Variants in FTCDNL1 observed in about 807,000 individuals in gnomAD.
The protein encoded by FTCDNL1 is formiminotransferase cyclodeaminase N-terminal like.
A neutral mutation model predicts 5.9 loss-of-function variants in FTCDNL1; 11 were observed. The ratio of observed to expected loss-of-function variants is 1.87; its 90% CI spans 1.18 to 3.10. FTCDNL1 has a LOEUF of 3.10. Ranked by LOEUF, FTCDNL1 falls within the 30% of genes most tolerant of loss-of-function variation. The pLI is 0.00. For missense variants in FTCDNL1, 115 were observed against 65.5 expected, an observed-to-expected ratio of 1.76 and a Z score of -2.61; for synonymous variants, 58 against 24.8, an observed-to-expected ratio of 2.34 and a Z score of -3.99.
the FTCDNL1 span, among the ~76,000 whole-genome samples, chr2:199,712,186 A>C: frequency 2.2e-4 from 34 of 152,346 alleles, no homozygotes; most frequent in East Asian, 7.7e-4. Flanking sequence ...CAGGGATATA[A>C]GAACAAATAT....
the FTCDNL1 span, among the ~76,000 whole-genome samples, chr2:199,725,761 G>A: frequency 1.3e-5 from 2 of 152,182 alleles, no homozygotes; most frequent in Admixed American, 1.3e-4. Flanking sequence ...TCCACTGTTA[G>A]TTTGATGGGA....
chr2:199,815,132 ATAAAG>A (rs1461811306), intron 4 of FTCDNL1, among the ~76,000 whole-genome samples: 1 of 152,226 alleles, frequency 6.6e-6, no homozygotes, highest in Non-Finnish European at 1.5e-5. Flanking sequence ...ATATATATGT[ATAAAG>A]TATTTATTTA....
At chr2:199,710,061 TAC>T in the FTCDNL1 span, among the ~76,000 whole-genome samples, 1 of 152,132 alleles carries the variant, frequency 6.6e-6, no homozygotes, top group East Asian at 1.9e-4. Flanking sequence ...CATAGACATA[TAC>T]AGAGTGGCAA....
chr2:199,738,787 A>C, the FTCDNL1 span, among the ~76,000 whole-genome samples: 1 of 152,188 alleles, frequency 6.6e-6, no homozygotes, highest in Non-Finnish European at 1.5e-5. Context: ...GATGGAGTGA[A>C]GCAAAGGTGA....
At chr2:199,764,926 A>C (rs1157510617) in intron 3 of FTCDNL1, among the ~76,000 whole-genome samples, 1 of 152,116 alleles carries the variant, frequency 6.6e-6, no homozygotes, top group African/African-American at 2.4e-5. Flanking sequence ...AAGCTTTCTC[A>C]AGTCATCTAA....
the FTCDNL1 span, among the ~76,000 whole-genome samples, chr2:199,752,200 T>A: frequency 1.7e-4 from 26 of 152,070 alleles, no homozygotes; most frequent in Non-Finnish European, 3.8e-4. Context: ...CAGCCAACCC[T>A]CCCTGGAGCT....
chr2:199,706,861 G>C, the FTCDNL1 span, among the ~76,000 whole-genome samples: 1 of 152,268 alleles, frequency 6.6e-6, no homozygotes, highest in South Asian at 2.1e-4. Context: ...TGTAATCCAA[G>C]CTCAGGCTTT....
intron 3 of FTCDNL1, among the ~76,000 whole-genome samples, chr2:199,764,290 A>T (rs1369989470): frequency 6.6e-6 from 1 of 152,228 alleles, no homozygotes; most frequent in Admixed American, 6.5e-5. Context: ...CAAGGCAAGC[A>T]CTATTATTAC....
chr2:199,772,251 T>C (rs1410119182), intron 3 of FTCDNL1, among the ~76,000 whole-genome samples: 2 of 152,198 alleles, frequency 1.3e-5, no homozygotes, highest in Non-Finnish European at 2.9e-5. Flanking sequence ...TAGAGTAGCA[T>C]ACAACTTAAA....
chr2:199,716,377 C>G, the FTCDNL1 span, among the ~76,000 whole-genome samples: 3 of 152,132 alleles, frequency 2.0e-5, no homozygotes, highest in African/African-American at 7.2e-5. Context: ...ATCCGGTTCC[C>G]TGTATCCTCA....
chr2:199,825,513 C>A (rs927943139), intron 3 of FTCDNL1, among the ~76,000 whole-genome samples: 1 of 152,122 alleles, frequency 6.6e-6, no homozygotes, highest in African/African-American at 2.4e-5. Flanking sequence ...GGAGGTGGGG[C>A]CTAATGGGAG....
chr2:199,702,040 T>A, the FTCDNL1 span, among the ~76,000 whole-genome samples: 1 of 151,714 alleles, frequency 6.6e-6, no homozygotes, highest in South Asian at 2.1e-4. Context: ...CTCAAAAAAA[T>A]TAAAATAAAA....
chr2:199,808,524 T>C (rs1371189426), downstream of FTCDNL1, among the ~76,000 whole-genome samples: 1 of 152,220 alleles, frequency 6.6e-6, no homozygotes, highest in Non-Finnish European at 1.5e-5. Flanking sequence ...ATTTTTCATC[T>C]TTCCAAATGA....
At chr2:199,784,007 C>T (rs1289848161) in intron 3 of FTCDNL1, among the ~76,000 whole-genome samples, 1 of 152,158 alleles carries the variant, frequency 6.6e-6, no homozygotes, top group Non-Finnish European at 1.5e-5. Context: ...GTCTCAGGTT[C>T]CCATTCCCAA....
chr2:199,784,226 C>G (rs1699521268), intron 3 of FTCDNL1, among the ~76,000 whole-genome samples: 1 of 152,154 alleles, frequency 6.6e-6, no homozygotes, highest in Admixed American at 6.5e-5. Flanking sequence ...GTATTAAAGA[C>G]TCCCAGCAAC....
Position 199,812,270 on chromosome 2 carries a change from A to T in FTCDNL1, c.*435T>A, listed in dbSNP as rs1238783067. On this transcript the variant is annotated 3_prime_UTR_variant, in exon 5 of 5. Coordinates refer to ENST00000420128, the MANE Select transcript of FTCDNL1 (RefSeq NM_001363886.2). ...TCCCTTGGAAGGTGAAAGAAGAAAG[A>T]AAGAAAAAGAAGAGAAAATTTCTCT... is the stretch of plus-strand genomic sequence containing the variant. 6.6e-6 allele frequency among the ~76,000 whole-genome samples: 1 copy of T among 152,186 alleles called. No individual in the cohort carries two copies.
the FTCDNL1 span, among the ~76,000 whole-genome samples, chr2:199,746,564 T>A: frequency 1.3e-5 from 2 of 151,912 alleles, no homozygotes; most frequent in Admixed American, 1.3e-4. Flanking sequence ...CTGAGAGGCA[T>A]TAAAAGCAAT....
the FTCDNL1 span, among the ~76,000 whole-genome samples, chr2:199,715,969 G>A: frequency 6.9e-5 from 10 of 145,918 alleles, no homozygotes; most frequent in Non-Finnish European, 8.9e-5. Context: ...TGAATTACCC[G>A]GTAAGTTCTT....
intron 3 of FTCDNL1, among the ~76,000 whole-genome samples, chr2:199,784,667 C>A (rs1206674909): frequency 1.3e-5 from 2 of 152,224 alleles, no homozygotes; most frequent in Non-Finnish European, 1.5e-5. Flanking sequence ...CTCCCTCAGA[C>A]TTGCCCCAAT....
Sources: gnomAD v4.1 joint callset for allele counts (sites outside exome capture counted in the v4.1 genomes callset) on GRCh38, gnomAD v4.1.1 for gene constraint, MANE v1.5 for transcripts, NCBI Gene and HGNC (gene_info 2026-07-23, HGNC 2026-07-21) for gene names.